The following TSPAN33 variants were observed in gnomAD, a reference collection of about 807,000 sequenced individuals.
TSPAN33 encodes tetraspanin 33.
A neutral mutation model predicts 34.8 loss-of-function variants in TSPAN33; 27 were observed. That is an observed-to-expected ratio of 0.78 (90% CI 0.57 to 1.07). The LOEUF (loss-of-function observed/expected upper bound fraction) is 1.07, where lower values mean the gene tolerates loss of function less well. TSPAN33 is among the 50% of genes least tolerant of loss of function. The pLI, the probability that TSPAN33 is intolerant of heterozygous loss-of-function variation, is 0.00. For synonymous variants in TSPAN33, 119 were observed against 124.2 expected, an observed-to-expected ratio of 0.96 and a Z score of 0.28; for missense variants, 272 against 324.9, an observed-to-expected ratio of 0.84 and a Z score of 1.25.
At chr7:129,150,143 G>A (rs752503468) in intron 1 of TSPAN33, among the ~76,000 whole-genome samples, 8 of 152,196 alleles carry the variant, frequency 5.3e-5, no homozygotes, top group African/African-American at 7.2e-5. Context: ...CTAAGGAGGG[G>A]GTGCGGGCCC....
At chr7:129,145,235 G>GA (rs1467489678) in intron 1 of TSPAN33, among the ~76,000 whole-genome samples, 153 bp downstream of exon 1, 1 of 152,096 alleles carries the variant, frequency 6.6e-6, no homozygotes, top group African/African-American at 2.4e-5. Context: ...ACACCCCGGG[G>GA]ACGCCGCGTC....
Position 129,169,198 on chromosome 7 carries a change from C to T in TSPAN33, c.*1324C>T, listed in dbSNP as rs78152402. 0.022 allele frequency among the ~76,000 whole-genome samples: 3,375 copies of T among 152,324 alleles called. 125 individuals are homozygous for T. Among genetic ancestry groups the T allele is most frequent in the African/African-American group, 0.075 (3,121 of 41,568 alleles). On this transcript the variant is annotated 3_prime_UTR_variant, in exon 8 of 8. Coordinates refer to ENST00000486685, the MANE Select transcript of TSPAN33 (RefSeq NM_178562.5). ...AGGAGGAAGAAGGCCCTCTCTTCCCCTACCCGGGCCCTCCAGGACCTTCTC... is the reference window on the plus strand; with the variant it reads ...AGGAGGAAGAAGGCCCTCTCTTCCCTTACCCGGGCCCTCCAGGACCTTCTC...
chr7:129,155,515 T>C (rs2150623631), intron 1 of TSPAN33, among the ~76,000 whole-genome samples: 2 of 152,316 alleles, frequency 1.3e-5, no homozygotes, highest in South Asian at 4.1e-4. Context: ...ACATACAATT[T>C]ACATATATCA....
chr7:129,157,775 C>T lies in TSPAN33; in HGVS notation c.103-3904C>T, dbSNP rs1334707708. On this transcript the variant is annotated intron_variant, in intron 1 of 7. Coordinates refer to ENST00000486685, the MANE Select transcript of TSPAN33 (RefSeq NM_178562.5). ...GCTATAAACGCTCTTGTCCCTCCACCATATCCACGCATGGATTAAGGGTCC... is the reference window on the plus strand; with the variant it reads ...GCTATAAACGCTCTTGTCCCTCCACTATATCCACGCATGGATTAAGGGTCC... Among the ~76,000 whole-genome samples, 4 of 152,354 alleles carry T rather than the reference C, an allele frequency of 2.6e-5. No homozygotes were observed. The East Asian group carries it at 5.8e-4, about 22-fold the overall frequency.
chr7:129,153,901 C>T (rs553754810), intron 1 of TSPAN33, among the ~76,000 whole-genome samples: 41 of 151,436 alleles, frequency 2.7e-4, no homozygotes, highest in African/African-American at 9.5e-4. Flanking sequence ...TTGATTGTGC[C>T]ACTGTACTCC....
intron 4 of TSPAN33, among the ~76,000 whole-genome samples, chr7:129,163,786 C>T (rs1170868795): frequency 2.0e-5 from 3 of 152,122 alleles, no homozygotes; most frequent in East Asian, 1.9e-4. Flanking sequence ...GCCAACATGG[C>T]GAATCCCTGT....
rs1244619722 is a variant in TSPAN33, at chr7:129,147,332, AT to A, written c.102+2254del. Among the ~76,000 whole-genome samples, 3 of 152,176 alleles carry A rather than the reference AT, an allele frequency of 2.0e-5. No individual in the cohort carries two copies. The East Asian group carries it at 5.8e-4, about 29-fold the overall frequency. On this transcript the variant is annotated intron_variant, in intron 1 of 7. Transcript: ENST00000486685. ...TGAACTATTTAAGGATGAATGAATC[AT>A]TTTGGGGACTGTTTTCTTTCTTCAA...
intron 1 of TSPAN33, among the ~76,000 whole-genome samples, chr7:129,149,785 T>G (rs965650213): frequency 4.6e-5 from 7 of 152,276 alleles, no homozygotes; most frequent in Middle Eastern, 6.8e-3. Context: ...ACTCCTCCAC[T>G]CCAGGGGGAC....
chr7:129,145,445 C>CCCG (rs1173473231), intron 1 of TSPAN33, among the ~76,000 whole-genome samples: 1 of 151,938 alleles, frequency 6.6e-6, no homozygotes, highest in Non-Finnish European at 1.5e-5. Context: ...GGCCTGGAGG[C>CCCG]CCGGCTGGCA....
chr7:129,162,043 A>C (rs1793062629), intron 2 of TSPAN33, among the ~76,000 whole-genome samples: 1 of 152,258 alleles, frequency 6.6e-6, no homozygotes, highest in Non-Finnish European at 1.5e-5. Context: ...TGTCCTGGAG[A>C]AACCCAACCA....
Position 129,167,272 on chromosome 7 carries a change from AATATCCTCCACAT to A in TSPAN33, c.589-122_589-110del. On this transcript the variant is annotated intron_variant, in intron 6 of 7. Transcript: ENST00000486685. The surrounding 1 kb of genome is among the most constrained non-coding windows in gnomAD (Gnocchi z 4.6). ...GTCTGCATTTGGCAACTTCCAACCC[AATATCCTCCACAT>A]ATATTCTCTGACAATTTAGGAGTTT... The A allele has an allele frequency of 8.2e-7, 1 of 1,218,824 alleles. No homozygotes were observed. Among genetic ancestry groups the A allele is most frequent in the Non-Finnish European group, 1.2e-6 (1 of 868,822 alleles). The allele number at this position is 1,218,824 out of a possible 1,614,324, so 75.5% of individuals were successfully genotyped here. A position where few individuals can be genotyped will look rare whatever the true frequency, so the allele number is the denominator to read the frequency against.
intron 1 of TSPAN33, among the ~76,000 whole-genome samples, chr7:129,155,888 A>T (rs1810659107): frequency 6.6e-6 from 1 of 151,590 alleles, no homozygotes; most frequent in Non-Finnish European, 1.5e-5. Context: ...CCATACTCAG[A>T]TTATTTTTAT....
chr7:129,151,344 C>A (rs187265472), intron 1 of TSPAN33, among the ~76,000 whole-genome samples: 18 of 152,182 alleles, frequency 1.2e-4, no homozygotes, highest in Admixed American at 6.5e-4. Flanking sequence ...GTCTTCAAAT[C>A]CTGGCCTCAA....
intron 1 of TSPAN33, among the ~76,000 whole-genome samples, chr7:129,156,022 T>C (rs1205392341): frequency 6.6e-6 from 1 of 152,192 alleles, no homozygotes; most frequent in Non-Finnish European, 1.5e-5. Context: ...TGGCCCACCA[T>C]GTCCTGCCCT....
intron 1 of TSPAN33, among the ~76,000 whole-genome samples, chr7:129,147,622 C>G (rs910730255): frequency 6.6e-6 from 1 of 152,170 alleles, no homozygotes; most frequent in African/African-American, 2.4e-5. Flanking sequence ...GCTCTTCTGC[C>G]CAGGAAGCAC....
At chr7:129,160,536 C>T (rs1375906570) in intron 1 of TSPAN33, among the ~76,000 whole-genome samples, 2 of 152,190 alleles carry the variant, frequency 1.3e-5, no homozygotes, top group African/African-American at 2.4e-5. Flanking sequence ...TCTTTGGGGT[C>T]TCCTATTAGT....
intron 1 of TSPAN33, among the ~76,000 whole-genome samples, chr7:129,156,041 T>G (rs916503998): frequency 6.6e-6 from 1 of 152,176 alleles, no homozygotes; most frequent in African/African-American, 2.4e-5. Flanking sequence ...CTACATTACA[T>G]TTAGTTGTCA....
rs1793192044 is a variant in TSPAN33, at chr7:129,169,228, A to G, written c.*1354A>G. Among the ~76,000 whole-genome samples the G allele has an allele frequency of 6.6e-6, 1 of 152,188 alleles. No homozygotes were observed. The highest frequency in any genetic ancestry group is 2.1e-4 in the South Asian group (1 of 4,836). ...CGGGCCCTCCAGGACCTTCTCCCTGAGTCGGCTGTAGGGAGGACTCCGAGG... is the reference window on the plus strand; with the variant it reads ...CGGGCCCTCCAGGACCTTCTCCCTGGGTCGGCTGTAGGGAGGACTCCGAGG... On this transcript the variant is annotated 3_prime_UTR_variant, in exon 8 of 8. Transcript: ENST00000486685.
intron 1 of TSPAN33, among the ~76,000 whole-genome samples, chr7:129,151,236 C>T (rs1810589468): frequency 6.6e-6 from 1 of 152,158 alleles, no homozygotes. Context: ...AAGCAATCGT[C>T]CCACCCCACC....
Sources: allele counts gnomAD v4.1 joint callset (sites outside exome capture counted in the v4.1 genomes callset), GRCh38; gene constraint gnomAD v4.1.1; non-coding constraint Gnocchi (gnomAD v3.1); transcripts MANE v1.5; gene names NCBI Gene and HGNC (gene_info 2026-07-23, HGNC 2026-07-21).